The following BCL2 variants were observed in gnomAD, a reference collection of about 807,000 sequenced individuals.
BCL2 encodes the protein BCL2 apoptosis regulator.
In BCL2, 1 loss-of-function variant was observed where a neutral mutation model predicts 14.2. The observed-to-expected ratio is 0.07, with a 90% CI of 0.02 to 0.33. The LOEUF (loss-of-function observed/expected upper bound fraction) is 0.33, where lower values mean the gene tolerates loss of function less well. Ranked by LOEUF, BCL2 falls within the 10% of genes least tolerant of loss-of-function variation. BCL2 has a pLI of 0.99. For synonymous variants in BCL2, 151 were observed against 137.2 expected (o/e 1.10, Z -0.70); for missense variants, 247 against 305.9 (o/e 0.81, Z 1.44).
chr18:63,288,893 C>T (rs570025124), intron 2 of BCL2, among the ~76,000 whole-genome samples: 6 of 152,080 alleles, frequency 3.9e-5, no homozygotes, highest in Non-Finnish European at 7.3e-5. Context: ...AATGCTGGCA[C>T]ATTTAGGCAG....
intron 2 of BCL2, among the ~76,000 whole-genome samples, chr18:63,268,836 T>C (rs1174054674): frequency 6.6e-6 from 1 of 152,186 alleles, no homozygotes; most frequent in Non-Finnish European, 1.5e-5. Flanking sequence ...CAAGCTTTCT[T>C]TTTATGGCCT....
intron 2 of BCL2, among the ~76,000 whole-genome samples, chr18:63,192,784 C>A (rs554312424): frequency 2.6e-5 from 4 of 152,332 alleles, no homozygotes; most frequent in Admixed American, 6.5e-5. Flanking sequence ...CTCACTCCTC[C>A]CCAGAAATGC....
At chr18:63,245,286 T>A (rs1273201059) in intron 2 of BCL2, among the ~76,000 whole-genome samples, 1 of 152,226 alleles carries the variant, frequency 6.6e-6, no homozygotes, top group East Asian at 1.9e-4. Context: ...TCAGGGTTAC[T>A]TATTCAAACC....
chr18:63,138,621 C>A (rs1385680064), intron 2 of BCL2, among the ~76,000 whole-genome samples: 1 of 152,266 alleles, frequency 6.6e-6, no homozygotes, highest in Non-Finnish European at 1.5e-5. Flanking sequence ...CTCCCCAAAG[C>A]CATCTCCAGT....
intron 2 of BCL2, among the ~76,000 whole-genome samples, chr18:63,167,258 T>C (rs758220858): frequency 2.5e-4 from 38 of 152,210 alleles, no homozygotes; most frequent in Non-Finnish European, 5.4e-4. Flanking sequence ...TATTCATCTA[T>C]CATGAATATC....
chr18:63,219,739 G>A (rs1276489692), intron 2 of BCL2, among the ~76,000 whole-genome samples: 1 of 152,078 alleles, frequency 6.6e-6, no homozygotes, highest in Non-Finnish European at 1.5e-5. Flanking sequence ...GAGATGCAAG[G>A]GCAAGTGAGC....
chr18:63,239,270 G>A (rs1910926614), intron 2 of BCL2, among the ~76,000 whole-genome samples: 1 of 152,218 alleles, frequency 6.6e-6, no homozygotes, highest in Non-Finnish European at 1.5e-5. Context: ...TTGACACCCT[G>A]CTGGAAGCAA....
At chr18:63,253,921 T>C (rs596876) in intron 2 of BCL2, among the ~76,000 whole-genome samples, 1 of 151,150 alleles carries the variant, frequency 6.6e-6, no homozygotes, top group Non-Finnish European at 1.5e-5. Context: ...TTTTTTTTTT[T>C]CCACCCTACT....
rs868435115 is a variant in BCL2, at chr18:63,318,120, G to C, written c.547C>G (p.Arg183Gly). The change falls in exon 2 of 3, where the codon CGG becomes GGG. Residue 183 changes from arginine to glycine, a missense_variant. This residue lies in a region of BCL2 where 67 missense variants were observed against 145.7 expected (regional missense o/e 0.46). Transcript: ENST00000333681. This position sits in a 1 kb window ranked among gnomAD's most constrained non-coding sequence, Gnocchi z 7.4. ...TCCTGGATCCAGGTGTGCAGGTGCCGGTTCAGGTACTCAGTCATCCACAGG... is the reference window on the plus strand; with the variant it reads ...TCCTGGATCCAGGTGTGCAGGTGCCCGTTCAGGTACTCAGTCATCCACAGG... ...IALWMTEYLN[R>G]HLHTWIQDNG... The C allele has an allele frequency of 1.2e-6, 2 of 1,614,052 alleles. No homozygotes were observed. Among genetic ancestry groups the C allele is most frequent in the South Asian group, 1.1e-5 (1 of 91,072 alleles).
At chr18:63,221,279 T>C (rs1910384588) in intron 2 of BCL2, among the ~76,000 whole-genome samples, 1 of 152,206 alleles carries the variant, frequency 6.6e-6, no homozygotes, top group Admixed American at 6.5e-5. Context: ...GTTTGTTTAG[T>C]ATGTTCCAGG....
At chr18:63,244,816 C>T (rs1303784649) in intron 2 of BCL2, among the ~76,000 whole-genome samples, 1 of 152,110 alleles carries the variant, frequency 6.6e-6, no homozygotes, top group Non-Finnish European at 1.5e-5. Flanking sequence ...CTGTGGATTC[C>T]TTTTTTAAGC....
At chr18:63,317,922 T>C in intron 2 of BCL2, 160 bp downstream of exon 2, 3 of 1,451,178 alleles carry the variant, frequency 2.1e-6, no homozygotes, top group Non-Finnish European at 2.7e-6. Context: ...GAGTGAACGC[T>C]TTGTCCAGAG....
intron 2 of BCL2, among the ~76,000 whole-genome samples, chr18:63,290,677 C>T (rs1912620773): frequency 1.3e-5 from 2 of 152,164 alleles, no homozygotes; most frequent in Non-Finnish European, 2.9e-5. Flanking sequence ...AACAGGAGCC[C>T]TTGCTTTGGA....
At position 63,249,733 on chromosome 18, in the gene BCL2, G is replaced by A. The variant is rs1454055033; in HGVS notation, c.585+68349C>T. Reference sequence around the variant, plus strand: ...TCAAAAAAAAAAAAAAAAAAAAAAAGGCAAGCTCTGAATTTAACAGAGGAG... The same window carrying A: ...TCAAAAAAAAAAAAAAAAAAAAAAAAGCAAGCTCTGAATTTAACAGAGGAG... On this transcript the variant is annotated intron_variant, in intron 2 of 2. Transcript: ENST00000333681. Among the ~76,000 whole-genome samples the A allele has an allele frequency of 6.6e-3, 622 of 94,718 alleles. 6 individuals carry two copies. The highest frequency in any genetic ancestry group is 0.024 in the African/African-American group (580 of 24,208). 62.1% of individuals were successfully genotyped at this position (94,718 alleles called of 152,430 possible). A position where few individuals can be genotyped will look rare whatever the true frequency, so the allele number is the denominator to read the frequency against.
intron 2 of BCL2, among the ~76,000 whole-genome samples, chr18:63,300,914 C>T (rs1381632291): frequency 6.6e-6 from 1 of 152,150 alleles, no homozygotes; most frequent in East Asian, 1.9e-4. Context: ...TCTGTCAGGT[C>T]AATTCTAATT....
chr18:63,317,591 C>A, intron 2 of BCL2: 1 of 993,470 alleles, frequency 1.0e-6, no homozygotes, highest in Non-Finnish European at 1.2e-6. Context: ...TCTGTGGAGT[C>A]TATTCTTCTA....
chr18:63,173,794 TTGGTATATTCTAGACA>T (rs1213078260), intron 2 of BCL2, among the ~76,000 whole-genome samples: 2 of 152,210 alleles, frequency 1.3e-5, no homozygotes, highest in Non-Finnish European at 1.5e-5. Context: ...TTCTTATCAT[TTGGTATATTCTAGACA>T]TGACTGAGCT....
chr18:63,239,803 T>G (rs1910946033), intron 2 of BCL2, among the ~76,000 whole-genome samples: 1 of 150,630 alleles, frequency 6.6e-6, no homozygotes, highest in African/African-American at 2.4e-5. Flanking sequence ...AGGATTTGGG[T>G]AGTTTTCATG....
chr18:63,311,353 G>A (rs12458289), intron 2 of BCL2, among the ~76,000 whole-genome samples: 1 of 151,996 alleles, frequency 6.6e-6, no homozygotes, highest in Admixed American at 6.6e-5. Flanking sequence ...TCCTTTGTTT[G>A]GTGCTTCAAG....
Sources: allele counts gnomAD v4.1 joint callset (sites outside exome capture counted in the v4.1 genomes callset), GRCh38; gene constraint gnomAD v4.1.1; regional missense constraint gnomAD v4.1.1; non-coding constraint Gnocchi (gnomAD v3.1); transcripts MANE v1.5; gene names NCBI Gene and HGNC (gene_info 2026-07-23, HGNC 2026-07-21).